GTPBP1: variants seen among roughly 807,000 people sequenced by gnomAD.
The protein encoded by GTPBP1 is GTP-binding protein 1.
GTPBP1 carries 23 observed loss-of-function variants against 62.0 expected under a neutral mutation model. The observed-to-expected ratio is 0.37, with a 90% CI of 0.27 to 0.53. The LOEUF is 0.53. Ranked by LOEUF, GTPBP1 falls within the 20% of genes least tolerant of loss-of-function variation. The pLI, the probability that GTPBP1 is intolerant of heterozygous loss-of-function variation, is 0.89. For synonymous variants in GTPBP1, 344 were observed against 364.4 expected (o/e 0.94, Z 0.64); for missense variants, 640 against 917.3 (o/e 0.70, Z 3.90).
In GTPBP1 at chr22:38,717,063, C is replaced by G; in HGVS notation, c.834+63C>G. On this transcript the variant is annotated intron_variant, in intron 4 of 11. Transcript: ENST00000216044. Reference sequence around the variant, plus strand: ...AGGGCTGCTTGGGTCTGGTTATGTGCAAGTCTGAAACTGTTCTGAGACTGA... The same window carrying G: ...AGGGCTGCTTGGGTCTGGTTATGTGGAAGTCTGAAACTGTTCTGAGACTGA... The G allele has an allele frequency of 5.9e-6, 6 of 1,014,344 alleles. No individual in the cohort carries two copies. The South Asian group carries it at 7.0e-5, about 12-fold the overall frequency. 62.8% of individuals were successfully genotyped at this position (1,014,344 alleles called of 1,614,324 possible).
intron 10 of GTPBP1, 113 bp from the exon 11 acceptor site, chr22:38,729,349 C>T: frequency 5.3e-6 from 4 of 758,058 alleles, no homozygotes; most frequent in Non-Finnish European, 8.3e-6. Flanking sequence ...CCTGAACTGG[C>T]AAGATCAAGG....
intron 10 of GTPBP1, 196 bp downstream of exon 10, chr22:38,728,357 G>A: frequency 1.7e-6 from 1 of 575,344 alleles, no homozygotes; most frequent in African/African-American, 1.9e-5. Context: ...TGGTGACCAT[G>A]GAGAGGAGAA....
chr22:38,709,832 T>G (rs2092628108), intron 2 of GTPBP1, among the ~76,000 whole-genome samples: 1 of 152,236 alleles, frequency 6.6e-6, no homozygotes, highest in Non-Finnish European at 1.5e-5. Context: ...CACATAGGCT[T>G]GTAACCATTC....
At chr22:38,739,432 A>G (rs1476411337), downstream of GTPBP1, 2 of 1,612,848 alleles carry the variant, frequency 1.2e-6, no homozygotes, top group South Asian at 1.1e-5. This position sits in a 1 kb window ranked among gnomAD's most constrained non-coding sequence, Gnocchi z 6.7. Context: ...ACCTGCTGCA[A>G]TGCAGGCACC....
intron 4 of GTPBP1, among the ~76,000 whole-genome samples, chr22:38,719,362 C>T (rs537442852): frequency 3.9e-5 from 6 of 152,168 alleles, no homozygotes; most frequent in Admixed American, 2.6e-4. Flanking sequence ...GGCTAGAGTG[C>T]GGTGGTGCGA....
intron 2 of GTPBP1, among the ~76,000 whole-genome samples, chr22:38,709,828 G>A (rs2092628090): frequency 6.6e-6 from 1 of 152,180 alleles, no homozygotes; most frequent in Admixed American, 6.5e-5. Flanking sequence ...CAGACACATA[G>A]GCTTGTAACC....
Position 38,727,233 on chromosome 22 carries a change from G to A in GTPBP1, c.1422G>A (p.Arg474=). 6.3e-7 allele frequency: 1 copy of A among 1,593,760 alleles called. No individual in the cohort carries two copies. Among genetic ancestry groups the A allele is most frequent in the Non-Finnish European group, 8.5e-7 (1 of 1,170,326 alleles). The change falls in exon 9 of 12, where the codon CGG becomes CGA. Residue 474 remains arginine, a synonymous_variant. Transcript: ENST00000216044. The surrounding 1 kb of genome is among the most constrained non-coding windows in gnomAD (Gnocchi z 6.5). The part of the protein sequence containing the change: ...ALKKIKRSSI[R]KGMVMVSPRL... The stretch of plus-strand genomic sequence containing the variant: ...TTCAGATCAAGCGCTCGTCCATCCG[G>A]AAGGGCATGGTGATGGTTTCCCCAC...
chr22:38,722,915 G>A lies in GTPBP1; in HGVS notation c.958+1050G>A, dbSNP rs1327870004. On this transcript the variant is annotated intron_variant, in intron 5 of 11. Coordinates refer to ENST00000216044, the MANE Select transcript of GTPBP1 (RefSeq NM_004286.5). ...TTCGGCCCACTGGGAGGTCATTGAC[G>A]CTCAAGTGCTTGATGACTCCATTGG... 2.7e-5 allele frequency: 30 copies of A among 1,108,248 alleles called. No homozygotes were observed. The Middle Eastern group carries it at 2.8e-3, about 103-fold the overall frequency. The allele number at this position is 1,108,248 out of a possible 1,614,324, so 68.7% of individuals were successfully genotyped here.
At chr22:38,728,245 T>C in intron 10 of GTPBP1, 84 bp downstream of exon 10, 1 of 956,458 alleles carries the variant, frequency 1.0e-6, no homozygotes, top group Non-Finnish European at 1.6e-6. Context: ...GGGCAGAGGT[T>C]TAGTCACTGC....
chr22:38,735,225 A>G (rs921903952), downstream of GTPBP1: 1 of 455,900 alleles, frequency 2.2e-6, no homozygotes, highest in South Asian at 1.6e-5. Context: ...CCCCACAGAG[A>G]ACAAACCAGA....
At chr22:38,741,808 A>G (rs1166996015), downstream of GTPBP1, among the ~76,000 whole-genome samples, 4 of 152,182 alleles carry the variant, frequency 2.6e-5, no homozygotes, top group Non-Finnish European at 5.9e-5. Context: ...TGGGGGAGAC[A>G]CGATGGCCTC....
chr22:38,721,762 C>T lies in GTPBP1; in HGVS notation c.855C>T (p.Ile285=), dbSNP rs749245527. 6.8e-6 allele frequency: 11 copies of T among 1,612,162 alleles called. No homozygotes were observed. The highest frequency in any genetic ancestry group is 3.3e-5 in the Admixed American group (2 of 59,968). ...GGCAGGTGGGCAGCAATGCTGGCAT[C>T]GTGGGGATGACCAAAGAACACCTGG... ...CMLMVGSNAG[I]VGMTKEHLGL... The change falls in exon 5 of 12, where the codon ATC becomes ATT. Residue 285 remains isoleucine (I), a synonymous_variant. Transcript: ENST00000216044.
intron 2 of GTPBP1, among the ~76,000 whole-genome samples, chr22:38,715,510 C>T (rs1472383332): frequency 6.6e-6 from 1 of 152,156 alleles, no homozygotes; most frequent in Non-Finnish European, 1.5e-5. Context: ...CCAGGCAGTG[C>T]TTTATGTTCT....
intron 2 of GTPBP1, 135 bp from the exon 3 acceptor site, chr22:38,715,772 A>G (rs1269764644): frequency 1.5e-5 from 10 of 678,312 alleles, no homozygotes; most frequent in East Asian, 2.6e-5. Flanking sequence ...TCTCAGGTAG[A>G]GAGGACCCCT....
chr22:38,737,988 C>T, downstream of GTPBP1: 1 of 715,352 alleles, frequency 1.4e-6, no homozygotes, highest in Non-Finnish European at 2.6e-6. The surrounding 1 kb of genome is among the most constrained non-coding windows in gnomAD (Gnocchi z 4.1). Flanking sequence ...AAGGTGCCTT[C>T]CCCTGTGCTG....
intron 2 of GTPBP1, among the ~76,000 whole-genome samples, chr22:38,712,748 C>G (rs2092647096): frequency 6.6e-6 from 1 of 152,078 alleles, no homozygotes; most frequent in African/African-American, 2.4e-5. Context: ...TGGTGTGGAA[C>G]AGGACCTGAA....
At position 38,730,622 on chromosome 22, in the gene GTPBP1, G is replaced by A; in HGVS notation, c.1928G>A (p.Ser643Asn). 1 of 1,603,906 alleles carries A rather than the reference G, an allele frequency of 6.2e-7. No homozygotes were observed. Among genetic ancestry groups the A allele is most frequent in the African/African-American group, 1.3e-5 (1 of 74,958 alleles). Residue 643 changes from serine to asparagine, a missense_variant, in exon 12 of 12, where the codon AGC (serine) becomes AAC (asparagine). Ser to Asn is a conservative substitution (Grantham distance 46, BLOSUM62 1). This residue lies in a region of GTPBP1 where 117 missense variants were observed against 107.1 expected (regional missense o/e 1.09). Transcript: ENST00000216044. This position sits in a 1 kb window ranked among gnomAD's most constrained non-coding sequence, Gnocchi z 5.6. ...SSNLQPQPKP[S>N]SGGRRRGGQR... The stretch of plus-strand genomic sequence containing the variant: ...TTCTCTCTCTTTCAGCCTAAGCCCA[G>A]CAGTGGAGGCCGGCGACGAGGGGGC...
chr22:38,715,280 C>T (rs914902439), intron 2 of GTPBP1, among the ~76,000 whole-genome samples: 1 of 152,186 alleles, frequency 6.6e-6, no homozygotes, highest in East Asian at 1.9e-4. Flanking sequence ...CGCTGCTGTC[C>T]GTCTGTTGTG....
downstream of GTPBP1, chr22:38,739,858 A>G: frequency 1.2e-6 from 2 of 1,613,572 alleles, no homozygotes; most frequent in East Asian, 2.2e-5. This position sits in a 1 kb window ranked among gnomAD's most constrained non-coding sequence, Gnocchi z 6.7. Flanking sequence ...CTGAGCTTGC[A>G]TCTCCTCTCT....
Sources: allele counts gnomAD v4.1 joint callset (sites outside exome capture counted in the v4.1 genomes callset), GRCh38; gene constraint gnomAD v4.1.1; regional missense constraint gnomAD v4.1.1; non-coding constraint Gnocchi (gnomAD v3.1); transcripts MANE v1.5; gene names NCBI Gene and HGNC (gene_info 2026-07-23, HGNC 2026-07-21).